Variants in TCERG1 observed in about 807,000 individuals in gnomAD.
The protein encoded by TCERG1 is TATA box binding protein (TBP)-associated factor, RNA polymerase II, S, 150kD.
Under a neutral mutation model 144.7 loss-of-function variants are expected in TCERG1, and 37 were observed. The ratio of observed to expected loss-of-function variants is 0.26; its 90% confidence interval spans 0.20 to 0.34. The LOEUF (loss-of-function observed/expected upper bound fraction) is 0.34, where lower values mean the gene tolerates loss of function less well. Ranked by LOEUF, TCERG1 falls within the 10% of genes least tolerant of loss-of-function variation. The pLI is 1.00. For synonymous variants in TCERG1, 492 were observed against 458.2 expected (o/e 1.07, Z -0.94); for missense variants, 1,027 against 1,380.7 (o/e 0.74, Z 4.06).
chr5:146,471,898 C>T (rs1477639429), intron 9 of TCERG1, among the ~76,000 whole-genome samples: 1 of 151,814 alleles, frequency 6.6e-6, no homozygotes, highest in African/African-American at 2.4e-5. Context: ...TGCCCGGCCT[C>T]AAGTAGTAAT....
In TCERG1 at chr5:146,459,179, C is replaced by T. The variant is rs1763126321; in HGVS notation, c.734C>T (p.Ala245Val). 6 of 1,614,020 alleles carry T rather than the reference C, an allele frequency of 3.7e-6. No homozygotes were observed. The Admixed American group carries it at 8.3e-5, about 22-fold the overall frequency. The change falls in exon 4 of 23, where the codon GCC becomes GTC. Residue 245 changes from alanine to valine, a missense_variant. By Grantham distance (64) the Ala-to-Val change is moderately conservative (BLOSUM62 0). Around this residue, in one of 6 missense-constraint regions of TCERG1, gnomAD observed 187 missense variants for 169.1 expected, o/e 1.11. Transcript: ENST00000679501. ...AQAQAQAQVQ[A>V]QVQAQVQAQA... ...GCCCAGGCCCAGGCTCAGGTCCAGG[C>T]CCAGGTCCAGGCACAAGTGCAAGCA...
rs1416206115 is a variant in TCERG1, at chr5:146,470,638, A to C, written c.1402A>C (p.Lys468Gln). The change falls in exon 8 of 23, where the codon AAG (lysine) becomes CAG (glutamine). Residue 468 changes from lysine to glutamine, a missense_variant and splice_region_variant. Physicochemically the swap from Lys to Gln is moderately conservative, Grantham distance 53 (BLOSUM62 1). This residue lies in a region of TCERG1 where 482 missense variants were observed against 632.6 expected (regional missense o/e 0.76). Transcript: ENST00000679501. ...EKPQELKEKE[K>Q]LEEKIKEPIK... ...CATTATCTTAATTTTTTTCATAGAA[A>C]AGTTAGAAGAGAAGATTAAAGAGCC... The C allele has an allele frequency of 6.3e-7, 1 of 1,591,686 alleles. No individual in the cohort carries two copies. The highest frequency in any genetic ancestry group is 8.5e-7 in the Non-Finnish European group (1 of 1,174,554).
At chr5:146,458,851 T>G in intron 3 of TCERG1, 33 bp from the exon 4 acceptor site, 5 of 1,570,628 alleles carry the variant, frequency 3.2e-6, no homozygotes, top group Non-Finnish European at 4.3e-6. Context: ...CTGACAGATT[T>G]TATGATACCA....
intron 15 of TCERG1, among the ~76,000 whole-genome samples, chr5:146,490,730 T>A (rs938861075): frequency 4.6e-5 from 7 of 152,174 alleles, no homozygotes; most frequent in African/African-American, 7.2e-5. Flanking sequence ...CTTTAAAAAA[T>A]TTGTTTCCAG....
At chr5:146,478,368 A>G (rs1030336245) in intron 9 of TCERG1, 125 bp from the exon 10 acceptor site, 5 of 958,328 alleles carry the variant, frequency 5.2e-6, no homozygotes, top group African/African-American at 1.7e-5. Flanking sequence ...GTAAATAACT[A>G]TTGGTAATAA....
chr5:146,506,233 T>G (rs966225032), intron 19 of TCERG1, among the ~76,000 whole-genome samples: 1 of 152,386 alleles, frequency 6.6e-6, no homozygotes, highest in Admixed American at 6.5e-5. Context: ...CTTACCTTTC[T>G]GTTATTTTAG....
chr5:146,454,699 G>T (rs1219865386), intron 1 of TCERG1, among the ~76,000 whole-genome samples: 1 of 152,194 alleles, frequency 6.6e-6, no homozygotes, highest in African/African-American at 2.4e-5. Context: ...GCGGGTTCAA[G>T]TGATTCTCCT....
chr5:146,510,483 T>G lies in TCERG1; in HGVS notation c.3189T>G (p.Asp1063Glu). 1 of 1,614,070 alleles carries G rather than the reference T, an allele frequency of 6.2e-7. No individual in the cohort carries two copies. The highest frequency in any genetic ancestry group is 8.5e-7 in the Non-Finnish European group (1 of 1,180,000). Residue 1063 changes from aspartate (D) to glutamate (E), a missense_variant, in exon 23 of 23, where the codon GAT (aspartate) becomes GAG (glutamate). Physicochemically the swap from Asp to Glu is conservative, Grantham distance 45. Around this residue, in one of 6 missense-constraint regions of TCERG1, gnomAD observed 133 missense variants for 283.2 expected, o/e 0.47. Coordinates refer to ENST00000679501, the MANE Select transcript of TCERG1 (RefSeq NM_001382548.1). Reference sequence around the variant, plus strand: ...AAGAATCAGATCAGCACCTGAAAGATGTAGAAAAAATTTTACAGAATGACA... The same window carrying G: ...AAGAATCAGATCAGCACCTGAAAGAGGTAGAAAAAATTTTACAGAATGACA... ...LIQESDQHLK[D>E]VEKILQNDKR... is the part of the protein sequence containing the mutation.
intron 1 of TCERG1, among the ~76,000 whole-genome samples, chr5:146,448,407 T>C (rs1363000883): frequency 6.6e-6 from 1 of 152,212 alleles, no homozygotes; most frequent in Non-Finnish European, 1.5e-5. Flanking sequence ...GAGAAATCTT[T>C]TGGTCAGTGG....
Position 146,492,984 on chromosome 5 carries a change from T to G in TCERG1, c.2228T>G (p.Met743Arg). 6.2e-7 allele frequency: 1 copy of G among 1,607,742 alleles called. No individual in the cohort carries two copies. Among genetic ancestry groups the G allele is most frequent in the Non-Finnish European group, 8.5e-7 (1 of 1,177,658 alleles). Residue 743 changes from methionine (M) to arginine (R), a missense_variant, in exon 16 of 23, where the codon ATG becomes AGG. Met to Arg is a moderately conservative substitution (Grantham distance 91). This residue lies in a region of TCERG1 where 482 missense variants were observed against 632.6 expected (regional missense o/e 0.76). Transcript: ENST00000679501. ...EERREKKNKI[M>R]QAKEDFKKMM... ...CGCAGGGAAAAGAAAAATAAAATAATGCAAGCCAAGGAAGATTTCAAAAAA... is the reference window on the plus strand; with the variant it reads ...CGCAGGGAAAAGAAAAATAAAATAAGGCAAGCCAAGGAAGATTTCAAAAAA...
intron 8 of TCERG1, 46 bp from the exon 9 acceptor site, chr5:146,471,442 G>C (rs1362193149): frequency 1.3e-6 from 2 of 1,535,618 alleles, no homozygotes; most frequent in Admixed American, 3.7e-5. Context: ...GGAACATTCA[G>C]GTATTGTTAA....
chr5:146,460,426 A>AT (rs10634090), intron 4 of TCERG1, among the ~76,000 whole-genome samples: 191 of 150,792 alleles, frequency 1.3e-3, no homozygotes, highest in African/African-American at 4.3e-3. Flanking sequence ...TTAAATAATG[A>AT]TTTTTTTATT....
At position 146,471,634 on chromosome 5, in the gene TCERG1, T is replaced by C. The variant is rs984890824; in HGVS notation, c.1601+58T>C. On this transcript the variant is annotated intron_variant, in intron 9 of 22. Transcript: ENST00000679501. ...TTTTTTTTGAGACGGAGTCTCACTC[T>C]GTCACCAGGGCTGGAGTGCAGTGGC... is the stretch of plus-strand genomic sequence containing the variant. 3.4e-6 allele frequency: 5 copies of C among 1,461,762 alleles called. No individual in the cohort carries two copies. The African/African-American group carries it at 7.1e-5, about 21-fold the overall frequency. The allele number at this position is 1,461,762 out of a possible 1,614,324, so 90.5% of individuals were successfully genotyped here.
chr5:146,488,924 T>C (rs913113054), intron 15 of TCERG1, among the ~76,000 whole-genome samples: 10 of 152,198 alleles, frequency 6.6e-5, no homozygotes, highest in African/African-American at 2.2e-4. Flanking sequence ...CTGGAAGTCA[T>C]GTTAAGTGAA....
rs750276094 is a variant in TCERG1, at chr5:146,471,565, T to C, written c.1590T>C (p.Pro530=). Residue 530 remains proline (P), a synonymous_variant, in exon 9 of 23, where the codon CCT becomes CCC. Transcript: ENST00000679501. Reference sequence around the variant, plus strand: ...AGCCAGTTGCTACTGCTCCTATTCCTGGTACTCCATGGTATGTATTTGGCT... The same window carrying C: ...AGCCAGTTGCTACTGCTCCTATTCCCGGTACTCCATGGTATGTATTTGGCT... The part of the protein sequence containing the change: ...KAKPVATAPI[P]GTPWCVVWTG... 6.2e-7 allele frequency: 1 copy of C among 1,611,794 alleles called. No individual in the cohort carries two copies. The highest frequency in any genetic ancestry group is 1.7e-5 in the Admixed American group (1 of 59,586).
At chr5:146,510,138 T>A in intron 22 of TCERG1, 1 of 1,277,940 alleles carries the variant, frequency 7.8e-7, no homozygotes, top group Non-Finnish European at 1.0e-6. Flanking sequence ...CAGACTGAAG[T>A]CCTCTGTTCA....
intron 2 of TCERG1, among the ~76,000 whole-genome samples, chr5:146,456,430 T>TCGG (rs1762842744): frequency 6.6e-6 from 1 of 152,206 alleles, no homozygotes; most frequent in Non-Finnish European, 1.5e-5. Context: ...TCTAATGTTG[T>TCGG]CATGCCTTTC....
At chr5:146,481,228 G>T (rs1765337743) in intron 13 of TCERG1, 28 bp downstream of exon 13, 1 of 980,648 alleles carries the variant, frequency 1.0e-6, no homozygotes, top group Non-Finnish European at 1.2e-6. Flanking sequence ...TGTTTTTCCT[G>T]GCTTAGTTTT....
chr5:146,464,685 G>T (rs1329897621), intron 5 of TCERG1, among the ~76,000 whole-genome samples: 1 of 152,164 alleles, frequency 6.6e-6, no homozygotes, highest in South Asian at 2.1e-4. Context: ...TGGTACCTTA[G>T]AGAGGTCAGG....
Sources: gnomAD v4.1 joint callset for allele counts (sites outside exome capture counted in the v4.1 genomes callset) on GRCh38, gnomAD v4.1.1 for gene constraint, gnomAD v4.1.1 regional missense constraint, MANE v1.5 for transcripts, NCBI Gene and HGNC (gene_info 2026-07-23, HGNC 2026-07-21) for gene names.